The following LAMA3 variants were observed in gnomAD, a reference collection of about 807,000 sequenced individuals.
LAMA3 encodes laminin subunit alpha 3.
A neutral mutation model predicts 402.0 loss-of-function variants in LAMA3; 281 were observed. The observed-to-expected ratio is 0.70, with a 90% CI of 0.63 to 0.77. The LOEUF is 0.77. Among genes scored for constraint, LAMA3 ranks in the 30% least tolerant of loss-of-function variants. The pLI is 0.00. For synonymous variants in LAMA3, 1,431 were observed against 1,558.4 expected (o/e 0.92, Z 1.93); for missense variants, 3,840 against 4,215.5 (o/e 0.91, Z 2.47).
chr18:23,814,731 G>A (rs2063142690), intron 15 of LAMA3, among the ~76,000 whole-genome samples: 1 of 152,092 alleles, frequency 6.6e-6, no homozygotes, highest in African/African-American at 2.4e-5. Flanking sequence ...GTTTGAGAAG[G>A]CAGCTACTTG....
chr18:23,823,984 G>A (rs2144420748), intron 20 of LAMA3, among the ~76,000 whole-genome samples: 1 of 152,240 alleles, frequency 6.6e-6, no homozygotes, highest in Non-Finnish European at 1.5e-5. Context: ...GCTGTCATGA[G>A]CTATGATGGC....
At chr18:23,773,680 C>T in intron 9 of LAMA3, 93 bp downstream of exon 9, 1 of 771,326 alleles carries the variant, frequency 1.3e-6, no homozygotes, top group South Asian at 1.5e-5. Flanking sequence ...TAACTTCCTT[C>T]ATGCCCTCTC....
chr18:23,929,463 A>C (rs1339021965), intron 64 of LAMA3, among the ~76,000 whole-genome samples: 1 of 152,214 alleles, frequency 6.6e-6, no homozygotes, highest in Admixed American at 6.5e-5. Context: ...GCAGACTTCT[A>C]GTATCTGTCA....
intron 7 of LAMA3, 114 bp from the exon 8 acceptor site, chr18:23,763,291 G>C: frequency 1.3e-6 from 1 of 755,448 alleles, no homozygotes; most frequent in Non-Finnish European, 2.4e-6. Flanking sequence ...GAGTGTCCTG[G>C]GTGTTCCAGA....
chr18:23,794,866 C>A lies in LAMA3; in HGVS notation c.1603+10709C>A, dbSNP rs181938721. On this transcript the variant is annotated intron_variant, in intron 12 of 74. Coordinates refer to ENST00000313654, the MANE Select transcript of LAMA3 (RefSeq NM_198129.4). ...AGGGAATTCTATTATTTTTAATATT[C>A]TGCTTATATAAACGTAGATTTCTTA... 8.4e-3 allele frequency among the ~76,000 whole-genome samples: 1,286 copies of A among 152,308 alleles called. 12 individuals carry two copies. Among genetic ancestry groups the A allele is most frequent in the South Asian group, 0.064 (310 of 4,828 alleles).
chr18:23,812,119 C>T (rs758127405), intron 13 of LAMA3, among the ~76,000 whole-genome samples: 7 of 152,134 alleles, frequency 4.6e-5, no homozygotes, highest in South Asian at 2.1e-4. Flanking sequence ...GTGATTTGCC[C>T]GCCTTGGCCT....
chr18:23,756,868 C>T (rs1229915194), intron 6 of LAMA3, among the ~76,000 whole-genome samples: 2 of 151,922 alleles, frequency 1.3e-5, no homozygotes, highest in Non-Finnish European at 2.9e-5. Flanking sequence ...ACCATGTGCT[C>T]CCAGTGGTGG....
intron 67 of LAMA3, among the ~76,000 whole-genome samples, chr18:23,937,041 A>T (rs1010103915): frequency 2.0e-5 from 3 of 152,178 alleles, no homozygotes; most frequent in African/African-American, 7.2e-5. Context: ...AAGGAGTCAG[A>T]TTGGCAAGCT....
intron 54 of LAMA3, among the ~76,000 whole-genome samples, chr18:23,908,257 G>A (rs369166994): frequency 3.3e-5 from 5 of 151,962 alleles, no homozygotes; most frequent in African/African-American, 4.8e-5. Context: ...TTTTCTGTGC[G>A]CTGTGGCTCA....
intron 6 of LAMA3, among the ~76,000 whole-genome samples, chr18:23,755,997 A>G (rs985010523): frequency 6.6e-5 from 10 of 152,126 alleles, no homozygotes; most frequent in African/African-American, 2.4e-4. Context: ...TAATCCCCCT[A>G]TGTGTGGAGT....
In LAMA3 at chr18:23,928,197, A is replaced by G. The variant is rs775517640; in HGVS notation, c.8252A>G (p.Asn2751Ser). ...LKKTSGVVRL[N>S]DTVGVTKKCS... is the part of the protein sequence containing the mutation. ...AAAACCAGTGGTGTCGTTAGATTGA[A>G]TGATACTGTGGGAGTAACCAAAAAG... Residue 2751 changes from asparagine to serine, a missense_variant, in exon 63 of 75, where the codon AAT (asparagine) becomes AGT (serine). Transcript: ENST00000313654. 1.9e-6 allele frequency: 3 copies of G among 1,613,836 alleles called. No individual in the cohort carries two copies. The highest frequency in any genetic ancestry group is 1.3e-5 in the African/African-American group (1 of 74,936).
Position 23,753,719 on chromosome 18 carries a change from A to C in LAMA3, c.856-2A>C. On this transcript the variant is annotated splice_acceptor_variant, in intron 5 of 74. Coordinates refer to ENST00000313654, the MANE Select transcript of LAMA3 (RefSeq NM_198129.4). LOFTEE classifies it high-confidence loss of function. Reference sequence around the variant, plus strand: ...TTGCATGTTCTGTGTTCTGTTGTGCAGTATTATTACAGCATAAAGGACATC... The same window carrying C: ...TTGCATGTTCTGTGTTCTGTTGTGCCGTATTATTACAGCATAAAGGACATC... 2 of 1,608,876 alleles carry C rather than the reference A, an allele frequency of 1.2e-6. No homozygotes were observed. Among genetic ancestry groups the C allele is most frequent in the South Asian group, 2.2e-5 (2 of 90,962 alleles).
Position 23,920,998 on chromosome 18 carries a change from G to C in LAMA3, c.7987G>C (p.Glu2663Gln). 6.2e-7 allele frequency: 1 copy of C among 1,614,084 alleles called. No individual in the cohort carries two copies. Among genetic ancestry groups the C allele is most frequent in the Non-Finnish European group, 8.5e-7 (1 of 1,179,984 alleles). Residue 2663 changes from glutamate (E) to glutamine (Q), a missense_variant, in exon 61 of 75, where the codon GAG becomes CAG. Glu to Gln is a conservative substitution (Grantham distance 29). This residue lies in a region of LAMA3 where 840 missense variants were observed against 981.9 expected (regional missense o/e 0.86). Transcript: ENST00000313654. Reference sequence around the variant, plus strand: ...CATGGTGAGATACAAACTGAATTCAGAGCTACCAAAAGAGAGAGGAGTTGG... The same window carrying C: ...CATGGTGAGATACAAACTGAATTCACAGCTACCAAAAGAGAGAGGAGTTGG... ...KLMVRYKLNS[E>Q]LPKERGVGDA... is the part of the protein sequence containing the mutation.
At chr18:23,952,947 G>A in intron 73 of LAMA3, 43 bp from the exon 74 acceptor site, 1 of 1,612,962 alleles carries the variant, frequency 6.2e-7, no homozygotes. Context: ...CATTAAGCAG[G>A]GCTCACCTCC....
chr18:23,910,696 C>T (rs1435976511), intron 55 of LAMA3, among the ~76,000 whole-genome samples: 1 of 152,102 alleles, frequency 6.6e-6, no homozygotes, highest in Admixed American at 6.5e-5. Context: ...TTTATAATCA[C>T]ACACAAAGAT....
At position 23,867,852 on chromosome 18, in the gene LAMA3, A is replaced by G. The variant is rs1338170983; in HGVS notation, c.4702A>G (p.Ile1568Val). 1.9e-6 allele frequency: 3 copies of G among 1,613,998 alleles called. No individual in the cohort carries two copies. The Admixed American group carries it at 5.0e-5, about 27-fold the overall frequency. The stretch of plus-strand genomic sequence containing the variant: ...TAAACAGGGTCAGCACATGTCCATC[A>G]TCTATGAGGAGACAAACACCCCACG... ...VQLTGQHMSI[I>V]YEETNTPRPD... is the part of the protein sequence containing the mutation. The change falls in exon 37 of 75, where the codon ATC becomes GTC. Residue 1568 changes from isoleucine to valine, a missense_variant. Coordinates refer to ENST00000313654, the MANE Select transcript of LAMA3 (RefSeq NM_198129.4).
intron 1 of LAMA3, among the ~76,000 whole-genome samples, chr18:23,700,187 AGTAGCT>A (rs889237544): frequency 6.6e-6 from 1 of 151,952 alleles, no homozygotes; most frequent in Non-Finnish European, 1.5e-5. Context: ...CTGTTTATGG[AGTAGCT>A]GTTCCTTCAC....
At chr18:23,859,462 C>T (rs988240809) in intron 34 of LAMA3, among the ~76,000 whole-genome samples, 1 of 152,224 alleles carries the variant, frequency 6.6e-6, no homozygotes, top group African/African-American at 2.4e-5. Context: ...TCCAGTACTT[C>T]TCCAGTGCTT....
At chr18:23,912,142 T>G (rs1160376497) in intron 55 of LAMA3, among the ~76,000 whole-genome samples, 1 of 146,900 alleles carries the variant, frequency 6.8e-6, no homozygotes, top group African/African-American at 2.5e-5. Flanking sequence ...ATATATAGTT[T>G]TTTTTTTTTG....
Sources: gnomAD v4.1 joint callset for allele counts (sites outside exome capture counted in the v4.1 genomes callset) on GRCh38, gnomAD v4.1.1 for gene constraint, gnomAD v4.1.1 regional missense constraint, MANE v1.5 for transcripts, NCBI Gene and HGNC (gene_info 2026-07-23, HGNC 2026-07-21) for gene names.